Variants in GPR15LG observed in about 807,000 individuals in gnomAD.
The protein encoded by GPR15LG is G protein-coupled receptor 15 ligand, also known as protein GPR15LG.
At chr10:84,181,428 T>G in the GPR15LG span, among the ~76,000 whole-genome samples, 5 of 151,688 alleles carry the variant, frequency 3.3e-5, no homozygotes, top group African/African-American at 9.7e-5. Context: ...CAAGTCTTTT[T>G]GTTGTTGTTT....
the GPR15LG span, among the ~76,000 whole-genome samples, chr10:84,178,736 G>C: frequency 2.0e-5 from 3 of 152,216 alleles, no homozygotes; most frequent in African/African-American, 7.2e-5. Flanking sequence ...TTTCAGTTTT[G>C]TTACTTCTGG....
chr10:84,175,598 G>A, the GPR15LG span, among the ~76,000 whole-genome samples: 2 of 152,196 alleles, frequency 1.3e-5, no homozygotes, highest in Non-Finnish European at 2.9e-5. Flanking sequence ...TTGACTTCCA[G>A]GGCTCAAGCA....
the GPR15LG span, among the ~76,000 whole-genome samples, chr10:84,182,535 C>G: frequency 2.0e-5 from 3 of 152,182 alleles, no homozygotes; most frequent in Non-Finnish European, 1.5e-5. Flanking sequence ...GAACAACTAG[C>G]CTCTCCTCCA....
At chr10:84,180,312 C>G in the GPR15LG span, among the ~76,000 whole-genome samples, 1 of 152,270 alleles carries the variant, frequency 6.6e-6, no homozygotes, top group African/African-American at 2.4e-5. Context: ...TCTGATCTCT[C>G]TTTCTTTTCC....
chr10:84,182,998 A>G, the GPR15LG span, among the ~76,000 whole-genome samples: 1 of 151,736 alleles, frequency 6.6e-6, no homozygotes, highest in African/African-American at 2.4e-5. Context: ...GATTATCACT[A>G]TGGGAAGATC....
At chr10:84,183,937 C>T in the GPR15LG span, among the ~76,000 whole-genome samples, 2 of 152,166 alleles carry the variant, frequency 1.3e-5, no homozygotes, top group East Asian at 3.8e-4. Flanking sequence ...TGAGCCACTA[C>T]ACCTGGCCAA....
chr10:84,184,531 G>C, the GPR15LG span: 2 of 819,650 alleles, frequency 2.4e-6, no homozygotes, highest in African/African-American at 3.4e-5. Flanking sequence ...CCAGGGAAAA[G>C]CATAAGATCT....
chr10:84,184,968 A>G, the GPR15LG span: 18 of 1,421,298 alleles, frequency 1.3e-5, no homozygotes, highest in East Asian at 3.2e-4. Flanking sequence ...CAGAGCTATC[A>G]TGAGCCAACC....
the GPR15LG span, chr10:84,185,121 G>T: frequency 9.0e-7 from 1 of 1,108,550 alleles, no homozygotes; most frequent in Non-Finnish European, 1.1e-6. Context: ...AAGGGTGGCT[G>T]ACCAAGACTG....
chr10:84,176,558 C>T, the GPR15LG span: 3 of 1,613,680 alleles, frequency 1.9e-6, no homozygotes, highest in Admixed American at 3.3e-5. Flanking sequence ...CCCAACTCAA[C>T]AAACCTGAAA....
the GPR15LG span, among the ~76,000 whole-genome samples, chr10:84,175,900 TTTTTGAGACGAAG>T: frequency 6.6e-5 from 10 of 152,260 alleles, no homozygotes; most frequent in Admixed American, 1.3e-4. Context: ...TTTTTTTATT[TTTTTGAGACGAAG>T]TTTTTGCTCT....
At chr10:84,184,558 T>C in the GPR15LG span, 1 of 1,058,990 alleles carries the variant, frequency 9.4e-7, no homozygotes, top group Non-Finnish European at 1.4e-6. Context: ...TGCTTTGAAA[T>C]TTTTTTTTAA....
the GPR15LG span, among the ~76,000 whole-genome samples, chr10:84,174,350 T>C: frequency 6.6e-6 from 1 of 152,132 alleles, no homozygotes; most frequent in African/African-American, 2.4e-5. Context: ...CAAAACCTCA[T>C]GCCCAGAAAA....
the GPR15LG span, among the ~76,000 whole-genome samples, chr10:84,179,680 A>G: frequency 2.0e-5 from 3 of 152,320 alleles, no homozygotes; most frequent in African/African-American, 7.2e-5. Flanking sequence ...CACTTGCTGA[A>G]TACTGACTAC....
chr10:84,175,160 G>C, the GPR15LG span, among the ~76,000 whole-genome samples: 2 of 152,200 alleles, frequency 1.3e-5, no homozygotes, highest in Non-Finnish European at 2.9e-5. Flanking sequence ...AGCCATCTCT[G>C]AGTAGTGGGA....
chr10:84,183,243 A>T, the GPR15LG span, among the ~76,000 whole-genome samples: 1 of 152,250 alleles, frequency 6.6e-6, no homozygotes, highest in Non-Finnish European at 1.5e-5. Flanking sequence ...CAAATGAGGC[A>T]CCAAGCACAG....
chr10:84,182,589 G>C, the GPR15LG span, among the ~76,000 whole-genome samples: 19 of 152,306 alleles, frequency 1.2e-4, no homozygotes, highest in Non-Finnish European at 1.8e-4. Flanking sequence ...GACTGTTCAC[G>C]TGGTGTCTGC....
At chr10:84,177,225 G>A in the GPR15LG span, among the ~76,000 whole-genome samples, 277 of 152,330 alleles carry the variant, frequency 1.8e-3, 4 homozygotes, top group East Asian at 0.022. Context: ...GGCCTGTGGC[G>A]GACAGGCCCA....
chr10:84,175,962 C>A, the GPR15LG span, among the ~76,000 whole-genome samples: 1 of 151,892 alleles, frequency 6.6e-6, no homozygotes, highest in Non-Finnish European at 1.5e-5. Flanking sequence ...GCTCTTGGCT[C>A]ACCACAACCT....
Sources: allele counts gnomAD v4.1 joint callset (sites outside exome capture counted in the v4.1 genomes callset), GRCh38; gene constraint gnomAD v4.1.1; transcripts MANE v1.5; gene names NCBI Gene and HGNC (gene_info 2026-07-23, HGNC 2026-07-21).